Variants in TTI1 observed in about 807,000 individuals in gnomAD.
TTI1 encodes the protein TELO2-interacting protein 1 homolog.
TTI1 carries 52 observed loss-of-function variants against 85.4 expected under a neutral mutation model. That is an observed-to-expected ratio of 0.61 (90% confidence interval 0.49 to 0.77). TTI1 has a LOEUF of 0.77. Among genes scored for constraint, TTI1 ranks in the 30% least tolerant of loss-of-function variants. The pLI, the probability that TTI1 is intolerant of heterozygous loss-of-function variation, is 0.00. For missense variants in TTI1, 1,173 were observed against 1,296.0 expected (o/e 0.91, Z 1.46); for synonymous variants, 512 against 503.9 (o/e 1.02, Z -0.22).
chr20:37,990,883 GGTT>G (rs2073254799), intron 7 of TTI1, among the ~76,000 whole-genome samples: 1 of 152,174 alleles, frequency 6.6e-6, no homozygotes, highest in Admixed American at 6.5e-5. Context: ...GACCCTGGCA[GGTT>G]ATCAGTGACA....
At chr20:38,011,257 T>C (rs1202626195) in intron 2 of TTI1, among the ~76,000 whole-genome samples, 1 of 152,204 alleles carries the variant, frequency 6.6e-6, no homozygotes, top group Non-Finnish European at 1.5e-5. Context: ...TTCTTATTTA[T>C]AAAATAGAAA....
intron 2 of TTI1, among the ~76,000 whole-genome samples, chr20:38,009,529 A>G (rs1222352898): frequency 1.3e-5 from 2 of 150,316 alleles, no homozygotes; most frequent in Non-Finnish European, 3.0e-5. Context: ...TTTTTTTGAG[A>G]CAGTCTTCCT....
chr20:38,011,713 T>G lies in TTI1; in HGVS notation c.2104A>C (p.Ile702Leu), dbSNP rs767015639. The change falls in exon 2 of 8, where the codon ATC becomes CTC. Residue 702 changes from isoleucine to leucine, a missense_variant. Coordinates refer to ENST00000373447, the MANE Select transcript of TTI1 (RefSeq NM_001303457.2). The part of the protein sequence containing the change: ...NQNSDYLVNG[I>L]SLNLRHLALH... Reference sequence around the variant, plus strand: ...GCCAGATGACGCAGATTTAAAGAGATCCCATTCACTAAATAGTCTGAATTT... The same window carrying G: ...GCCAGATGACGCAGATTTAAAGAGAGCCCATTCACTAAATAGTCTGAATTT... 1.9e-6 allele frequency: 3 copies of G among 1,614,138 alleles called. No homozygotes were observed. The highest frequency in any genetic ancestry group is 4.5e-5 in the East Asian group (2 of 44,884).
intron 1 of TTI1, among the ~76,000 whole-genome samples, chr20:38,032,905 T>C (rs2073935705): frequency 6.6e-6 from 1 of 152,156 alleles, no homozygotes; most frequent in South Asian, 2.1e-4. Context: ...GTTAGTTCCC[T>C]CCACCTTTTC....
intron 3 of TTI1, among the ~76,000 whole-genome samples, chr20:38,005,375 A>T: frequency 6.6e-6 from 1 of 152,216 alleles, no homozygotes; most frequent in East Asian, 1.9e-4. Flanking sequence ...ACAACAGGCC[A>T]GAGCTTCAAC....
intron 1 of TTI1, among the ~76,000 whole-genome samples, chr20:38,014,958 G>A (rs569764708): frequency 6.6e-6 from 1 of 152,318 alleles, no homozygotes; most frequent in South Asian, 2.1e-4. Context: ...CCATAAATGT[G>A]TATAACTGTA....
At position 38,010,081 on chromosome 20, in the gene TTI1, C is replaced by T. The variant is rs371320897; in HGVS notation, c.2302+1434G>A. On this transcript the variant is annotated intron_variant, in intron 2 of 7. Transcript: ENST00000373447. ...TTCGTCTTTTTCTCTGCTCTATCTT[C>T]ATTACTTAGCACAGTGTCTGACATA... 4.2e-4 allele frequency among the ~76,000 whole-genome samples: 64 copies of T among 152,080 alleles called. 1 individual carries two copies. The South Asian group carries it at 0.011, about 27-fold the overall frequency.
Position 38,013,028 on chromosome 20 carries a change from T to G in TTI1, c.789A>C (p.Ala263=), listed in dbSNP as rs752179535. The G allele has an allele frequency of 6.2e-7, 1 of 1,614,140 alleles. No individual in the cohort carries two copies. The highest frequency in any genetic ancestry group is 1.1e-5 in the South Asian group (1 of 91,088). ...KRISKVQAKP[A]VEHRVAELMV... ...TCAGCTCTGCTACTCTGTGCTCAAC[T>G]GCAGGTTTTGCTTGGACCTTTGAGA... Residue 263 remains alanine, a synonymous_variant, in exon 2 of 8, where the codon GCA becomes GCC. Coordinates refer to ENST00000373447, the MANE Select transcript of TTI1 (RefSeq NM_001303457.2).
At chr20:37,996,338 C>G (rs752376612) in intron 7 of TTI1, 37 bp downstream of exon 7, 5 of 1,608,456 alleles carry the variant, frequency 3.1e-6, no homozygotes, top group Non-Finnish European at 4.3e-6. Context: ...TAATTTAGAA[C>G]AAACGTAAAG....
chr20:37,988,451 G>A (rs2073221340), intron 7 of TTI1, among the ~76,000 whole-genome samples: 1 of 152,218 alleles, frequency 6.6e-6, no homozygotes, highest in African/African-American at 2.4e-5. Flanking sequence ...TGCTCAAAGA[G>A]AGATCTAGAA....
intron 7 of TTI1, among the ~76,000 whole-genome samples, chr20:37,991,394 G>A (rs1373282282): frequency 6.6e-6 from 1 of 152,218 alleles, no homozygotes; most frequent in African/African-American, 2.4e-5. Flanking sequence ...GCTCATGTGT[G>A]GGTAAAGAGA....
chr20:38,011,877 A>G lies in TTI1; in HGVS notation c.1940T>C (p.Leu647Ser). ...TGGATAAAGGGCTGACATCAAGAGC[A>G]AACAGAAGTCTTTTCCTAGTGCATA... ...FAYALGKDFC[L>S]LLMSALYPVL... The change falls in exon 2 of 8, where the codon TTG becomes TCG. Residue 647 changes from leucine (L) to serine (S), a missense_variant. Coordinates refer to ENST00000373447, the MANE Select transcript of TTI1 (RefSeq NM_001303457.2). The G allele has an allele frequency of 6.2e-7, 1 of 1,614,252 alleles. No individual in the cohort carries two copies. The highest frequency in any genetic ancestry group is 8.5e-7 in the Non-Finnish European group (1 of 1,180,038).
At chr20:38,024,443 G>C (rs1302519071) in intron 1 of TTI1, among the ~76,000 whole-genome samples, 1 of 151,960 alleles carries the variant, frequency 6.6e-6, no homozygotes, top group Non-Finnish European at 1.5e-5. Context: ...CCAGAACCTG[G>C]GGAGTGACAC....
chr20:37,992,625 C>T (rs2073280909), intron 7 of TTI1, among the ~76,000 whole-genome samples: 1 of 152,130 alleles, frequency 6.6e-6, no homozygotes, highest in Admixed American at 6.5e-5. Context: ...GTTTTGTTTC[C>T]TTTTAGCCCA....
At chr20:37,987,049 T>C (rs1404127791) in intron 7 of TTI1, 15 of 408,190 alleles carry the variant, frequency 3.7e-5, no homozygotes, top group Middle Eastern at 7.6e-4. Flanking sequence ...AGTGTAGCTG[T>C]GCTCTCACTC....
At chr20:38,018,903 A>G (rs978257440) in intron 1 of TTI1, 4 of 152,176 alleles carry the variant, frequency 2.6e-5, no homozygotes, top group Non-Finnish European at 5.9e-5. Flanking sequence ...TAATCCCAGC[A>G]CTTTGAGAGG....
intron 1 of TTI1, among the ~76,000 whole-genome samples, chr20:38,014,258 T>C (rs1340428903): frequency 6.6e-6 from 1 of 152,234 alleles, no homozygotes; most frequent in Non-Finnish European, 1.5e-5. Flanking sequence ...AACTGAGGTA[T>C]ACATATAGTA....
intron 1 of TTI1, among the ~76,000 whole-genome samples, chr20:38,029,357 G>A (rs2073876490): frequency 6.6e-6 from 1 of 151,772 alleles, no homozygotes; most frequent in Non-Finnish European, 1.5e-5. Flanking sequence ...TAGAAAAGGG[G>A]AAAAGTCTCA....
chr20:37,986,376 A>T (rs1471217354), intron 7 of TTI1, among the ~76,000 whole-genome samples: 1 of 152,238 alleles, frequency 6.6e-6, no homozygotes, highest in Non-Finnish European at 1.5e-5. Context: ...GCAGGAAAGG[A>T]AAAGAAAATA....
Sources: allele counts gnomAD v4.1 joint callset (sites outside exome capture counted in the v4.1 genomes callset), GRCh38; gene constraint gnomAD v4.1.1; transcripts MANE v1.5; gene names NCBI Gene and HGNC (gene_info 2026-07-23, HGNC 2026-07-21).